The following TP53AIP1 variants were observed in gnomAD, a reference collection of about 807,000 sequenced individuals.
TP53AIP1 encodes p53-regulated apoptosis-inducing protein 1.
In TP53AIP1, 14 loss-of-function variants were observed where a neutral mutation model predicts 9.5. That is an observed-to-expected ratio of 1.47 (90% CI 0.97 to 2.30). The LOEUF is 2.30. Ranked by LOEUF, TP53AIP1 falls within the 30% of genes most tolerant of loss-of-function variation. The probability of loss-of-function intolerance (pLI) is 0.00; values close to 1 mark genes in which losing one functional copy is unlikely to be tolerated. For missense variants in TP53AIP1, 153 were observed against 146.7 expected, an observed-to-expected ratio of 1.04 and a Z score of -0.22; for synonymous variants, 73 against 61.2, an observed-to-expected ratio of 1.19 and a Z score of -0.90.
At chr11:128,935,891 T>G in intron 3 of TP53AIP1, 179 bp from the exon 4 acceptor site, 1 of 1,314,418 alleles carries the variant, frequency 7.6e-7, no homozygotes, top group Non-Finnish European at 9.6e-7. Flanking sequence ...AAAAAATCTT[T>G]AGATTTCATA....
In TP53AIP1 at chr11:128,935,508, C is replaced by T. The variant is rs977659381; in HGVS notation, c.*83G>A. On this transcript the variant is annotated 3_prime_UTR_variant, in exon 4 of 4. Coordinates refer to ENST00000531399, the MANE Select transcript of TP53AIP1 (RefSeq NM_022112.3). Reference sequence around the variant, plus strand: ...GCGCTGGAGCCATTTCTCGACGGTGCTTTCTGTTTGTTTGTTTGTTTTTGT... The same window carrying T: ...GCGCTGGAGCCATTTCTCGACGGTGTTTTCTGTTTGTTTGTTTGTTTTTGT... The T allele has an allele frequency of 2.0e-5, 28 of 1,399,912 alleles. No homozygotes were observed. The Admixed American group carries it at 6.8e-4, about 34-fold the overall frequency. The allele number at this position is 1,399,912 out of a possible 1,614,324, so 86.7% of individuals were successfully genotyped here.
In TP53AIP1 at chr11:128,937,062, C is replaced by A; in HGVS notation, c.142-413G>T. ...CTCCTGGCTCCTGGCAGACTCCTGGCCCAGGCCTGGCCTGTGTCTGCTTCC... is the reference window on the plus strand; with the variant it reads ...CTCCTGGCTCCTGGCAGACTCCTGGACCAGGCCTGGCCTGTGTCTGCTTCC... On this transcript the variant is annotated intron_variant, in intron 2 of 3. Coordinates refer to ENST00000531399, the MANE Select transcript of TP53AIP1 (RefSeq NM_022112.3). The surrounding 1 kb of genome is among the most constrained non-coding windows in gnomAD (Gnocchi z 4.8). The A allele has an allele frequency of 9.5e-7, 1 of 1,052,420 alleles. No homozygotes were observed. The highest frequency in any genetic ancestry group is 1.1e-6 in the Non-Finnish European group (1 of 872,526). The allele number at this position is 1,052,420 out of a possible 1,614,324, so 65.2% of individuals were successfully genotyped here.
intron 1 of TP53AIP1, among the ~76,000 whole-genome samples, chr11:128,941,591 G>A (rs899120890): frequency 2.0e-5 from 3 of 152,248 alleles, no homozygotes; most frequent in Non-Finnish European, 4.4e-5. Context: ...CTGTGCAGAG[G>A]CAGGGGCCTC....
intron 1 of TP53AIP1, among the ~76,000 whole-genome samples, chr11:128,940,782 C>T (rs986189529): frequency 2.0e-5 from 3 of 152,242 alleles, no homozygotes; most frequent in Non-Finnish European, 2.9e-5. Flanking sequence ...GGCGGCCACG[C>T]TGGGTGCCTT....
chr11:128,941,965 C>A (rs1470739716), intron 1 of TP53AIP1, among the ~76,000 whole-genome samples: 1 of 152,202 alleles, frequency 6.6e-6, no homozygotes, highest in Non-Finnish European at 1.5e-5. Context: ...GGTGCCCCGC[C>A]CCATGCCCTG....
intron 3 of TP53AIP1, chr11:128,935,924 A>C (rs1200336473): frequency 7.8e-7 from 1 of 1,283,498 alleles, no homozygotes; most frequent in Non-Finnish European, 9.9e-7. Context: ...GCCAACAAAA[A>C]TGTATCTTGG....
chr11:128,938,618 C>T (rs1591465878), intron 1 of TP53AIP1, among the ~76,000 whole-genome samples: 1 of 152,178 alleles, frequency 6.6e-6, no homozygotes, highest in Non-Finnish European at 1.5e-5. Context: ...TTCTTTCTCT[C>T]GCAAGTCCCC....
At chr11:128,936,472 G>A in intron 3 of TP53AIP1, 66 bp downstream of exon 3, 1 of 1,476,348 alleles carries the variant, frequency 6.8e-7, no homozygotes, top group Non-Finnish European at 8.9e-7. Context: ...TTTATCGAGA[G>A]GACATCAAAT....
intron 1 of TP53AIP1, among the ~76,000 whole-genome samples, 166 bp from the exon 2 acceptor site, chr11:128,938,060 G>A (rs1270053830): frequency 1.3e-5 from 2 of 152,204 alleles, no homozygotes; most frequent in Non-Finnish European, 2.9e-5. Context: ...CTGAGGAGAT[G>A]CTTTGGGAAA....
intron 2 of TP53AIP1, 135 bp from the exon 3 acceptor site, chr11:128,936,784 C>T: frequency 7.0e-6 from 10 of 1,434,274 alleles, no homozygotes; most frequent in Non-Finnish European, 9.1e-6. Flanking sequence ...ATGACGCTGC[C>T]ACTCAGGTTC....
intron 1 of TP53AIP1, among the ~76,000 whole-genome samples, chr11:128,942,212 G>T (rs116404509): frequency 3.3e-5 from 5 of 152,162 alleles, no homozygotes; most frequent in African/African-American, 4.8e-5. Context: ...TGACATGCCC[G>T]CTGTGCCCAG....
intron 1 of TP53AIP1, among the ~76,000 whole-genome samples, chr11:128,940,603 C>T (rs1437384389): frequency 6.6e-6 from 1 of 152,200 alleles, no homozygotes; most frequent in Non-Finnish European, 1.5e-5. Context: ...GGAGCCATCA[C>T]CAGGCACAGA....
rs943943256 is a variant in TP53AIP1 at position 128,937,941 on chromosome 11, G to A, written c.-76-47C>T. ...TATGAACAGAAGCAGTGGTGGCAGC[G>A]CTGGGCCAGCAATGATGATTTCTAC... On this transcript the variant is annotated intron_variant, in intron 1 of 3. Coordinates refer to ENST00000531399, the MANE Select transcript of TP53AIP1 (RefSeq NM_022112.3). The surrounding 1 kb of genome is among the most constrained non-coding windows in gnomAD (Gnocchi z 4.8). 12 of 1,048,102 alleles carry A rather than the reference G, an allele frequency of 1.1e-5. No homozygotes were observed. In the African/African-American group the frequency reaches 1.3e-4, roughly 11 times the overall value. 64.9% of individuals were successfully genotyped at this position (1,048,102 alleles called of 1,614,324 possible).
Position 128,935,702 on chromosome 11 carries a change from T to C in TP53AIP1, c.264A>G (p.Leu88=), listed in dbSNP as rs767683024. The C allele has an allele frequency of 3.2e-6, 5 of 1,576,922 alleles. No homozygotes were observed. Among genetic ancestry groups the C allele is most frequent in the Non-Finnish European group, 4.3e-6 (5 of 1,169,204 alleles). Residue 88 remains leucine, a synonymous_variant, in exon 4 of 4, where the codon CTA becomes CTG. Transcript: ENST00000531399. ...CAGGAAGGAAAGGCCTGGAGAGACC[T>C]AGACCAAGGCCTCAGTAGGGAGGGA... ...ATVWILTGLG[L]GLSRPFLPGA... is the part of the protein sequence containing the mutation.
intron 1 of TP53AIP1, 69 bp downstream of exon 1, chr11:128,942,725 G>A (rs1334605398): frequency 6.6e-6 from 1 of 152,398 alleles, no homozygotes; most frequent in African/African-American, 2.4e-5. Flanking sequence ...GCACAAAGCA[G>A]AGTGAATCGC....
chr11:128,936,487 T>A (rs1944826081), intron 3 of TP53AIP1, 51 bp downstream of exon 3: 1 of 1,500,234 alleles, frequency 6.7e-7, no homozygotes, highest in Non-Finnish European at 8.8e-7. Flanking sequence ...TCAAATCACT[T>A]AATTCTATCA....
At chr11:128,936,499 G>C in intron 3 of TP53AIP1, 39 bp downstream of exon 3, 1 of 1,513,890 alleles carries the variant, frequency 6.6e-7, no homozygotes, top group African/African-American at 1.4e-5. Flanking sequence ...ATTCTATCAC[G>C]GCCCACACCC....
Position 128,935,708 on chromosome 11 carries a change from A to G in TP53AIP1, c.258T>C (p.Leu86=). 1 of 1,572,404 alleles carries G rather than the reference A, an allele frequency of 6.4e-7. No individual in the cohort carries two copies. Among genetic ancestry groups the G allele is most frequent in the Non-Finnish European group, 8.6e-7 (1 of 1,166,996 alleles). The stretch of plus-strand genomic sequence containing the variant: ...GGAAAGGCCTGGAGAGACCTAGACC[A>G]AGGCCTCAGTAGGGAGGGAGAGAAT... The part of the protein sequence containing the change: ...SSATVWILTG[L]GLGLSRPFLP... The change falls in exon 4 of 4, where the codon CTT becomes CTC. Residue 86 remains leucine (L), a synonymous_variant. Transcript: ENST00000531399.
chr11:128,940,832 C>T (rs888901661), intron 1 of TP53AIP1, among the ~76,000 whole-genome samples: 4 of 152,200 alleles, frequency 2.6e-5, no homozygotes, highest in Admixed American at 1.3e-4. Context: ...GGCCCAGTCT[C>T]GAGGGGCGTT....
Sources: allele counts gnomAD v4.1 joint callset (sites outside exome capture counted in the v4.1 genomes callset), GRCh38; gene constraint gnomAD v4.1.1; non-coding constraint Gnocchi (gnomAD v3.1); transcripts MANE v1.5; gene names NCBI Gene and HGNC (gene_info 2026-07-23, HGNC 2026-07-21).